The following BICD2 variants were observed in gnomAD, a reference collection of about 807,000 sequenced individuals.
The protein encoded by BICD2 is BICD cargo adaptor 2, also known as protein bicaudal D homolog 2.
Under a neutral mutation model 72.9 loss-of-function variants are expected in BICD2, and 25 were observed. That is an observed-to-expected ratio of 0.34 (90% confidence interval 0.25 to 0.48). The LOEUF (loss-of-function observed/expected upper bound fraction) is 0.48. BICD2 is among the 20% of genes least tolerant of loss of function. The pLI is 0.99. For synonymous variants in BICD2, 501 were observed against 516.1 expected, an observed-to-expected ratio of 0.97 and a Z score of 0.40; for missense variants, 894 against 1,175.2, an observed-to-expected ratio of 0.76 and a Z score of 3.50.
At chr9:92,750,749 C>T (rs1854129826) in intron 1 of BICD2, among the ~76,000 whole-genome samples, 2 of 151,756 alleles carry the variant, frequency 1.3e-5, no homozygotes, top group Admixed American at 6.6e-5. Flanking sequence ...AAAAGTGAAC[C>T]TTAATATTAG....
intron 1 of BICD2, among the ~76,000 whole-genome samples, chr9:92,745,173 A>AC (rs1853984177): frequency 6.6e-6 from 1 of 152,130 alleles, no homozygotes; most frequent in Admixed American, 6.5e-5. Flanking sequence ...GCTTCAGATC[A>AC]CCCCACAAAC....
chr9:92,712,329 A>C lies in BICD2; in HGVS notation c.*2825T>G, dbSNP rs1327768045. ...ATGCCCAGGTCTGGGTGTGAGGAGC[A>C]CCTGCCTCACCTGCTGTCCACGCTG... On this transcript the variant is annotated 3_prime_UTR_variant, in exon 7 of 7. Coordinates refer to ENST00000356884, the MANE Select transcript of BICD2 (RefSeq NM_001003800.2). 1 of 152,692 alleles carries C rather than the reference A, an allele frequency of 6.5e-6. No homozygotes were observed. Among genetic ancestry groups the C allele is most frequent in the East Asian group, 1.9e-4 (1 of 5,202 alleles). The allele number at this position is 152,692 out of a possible 1,614,324, so 9.5% of individuals were successfully genotyped here.
intron 6 of BICD2, among the ~76,000 whole-genome samples, chr9:92,716,362 A>G (rs530015794): frequency 9.7e-4 from 148 of 152,354 alleles, no homozygotes; most frequent in Non-Finnish European, 1.9e-3. Flanking sequence ...TTTACATGCC[A>G]GATACTGAGA....
chr9:92,742,962 G>A (rs1206353000), intron 1 of BICD2, among the ~76,000 whole-genome samples: 1 of 152,154 alleles, frequency 6.6e-6, no homozygotes, highest in Non-Finnish European at 1.5e-5. Context: ...TTCATCATTT[G>A]ACAGACACTT....
At chr9:92,741,580 TTC>T (rs1853897929) in intron 1 of BICD2, among the ~76,000 whole-genome samples, 2 of 152,242 alleles carry the variant, frequency 1.3e-5, no homozygotes, top group Non-Finnish European at 2.9e-5. Flanking sequence ...TGTGGTAATT[TTC>T]TTTTTTTTCT....
In BICD2 at chr9:92,722,733, G is replaced by C. The variant is rs1486622982; in HGVS notation, c.529C>G (p.Leu177Val). Reference protein sequence around the residue: ...IKEYKFREARLLQDYSELEEE... With the variant: ...IKEYKFREARVLQDYSELEEE... ...TCCAGTTCCGAGTAGTCCTGCAGCA[G>C]ACGAGCTTCCCGGAATTTGTACTCC... Residue 177 changes from leucine to valine, a missense_variant, in exon 3 of 7, where the codon CTG becomes GTG. Physicochemically the swap from Leu to Val is conservative, Grantham distance 32. Coordinates refer to ENST00000356884, the MANE Select transcript of BICD2 (RefSeq NM_001003800.2). The C allele has an allele frequency of 6.2e-7, 1 of 1,614,248 alleles. No individual in the cohort carries two copies. The highest frequency in any genetic ancestry group is 1.7e-5 in the Admixed American group (1 of 60,026).
chr9:92,722,175 T>A (rs1456002043), intron 3 of BICD2, among the ~76,000 whole-genome samples: 1 of 152,168 alleles, frequency 6.6e-6, no homozygotes, highest in East Asian at 1.9e-4. Context: ...TTCATCTCTG[T>A]CACAGGCAGA....
chr9:92,719,143 C>A lies in BICD2; in HGVS notation c.1502G>T (p.Arg501Leu), dbSNP rs398123032. ...ASRQDRELLA[R>L]LEKELKKVSD... ...CACCTTCTTTAGCTCCTTCTCCAGC[C>A]GGGCCAGCAGCTCGCGGTCCTGGCG... is the stretch of plus-strand genomic sequence containing the variant. Residue 501 changes from arginine to leucine, a missense_variant, in exon 5 of 7, where the codon CGG becomes CTG. Physicochemically the swap from Arg to Leu is moderately radical, Grantham distance 102 (BLOSUM62 -2). Around this residue, in one of 5 missense-constraint regions of BICD2, gnomAD observed 371 missense variants for 439.1 expected, o/e 0.84. Coordinates refer to ENST00000356884, the MANE Select transcript of BICD2 (RefSeq NM_001003800.2). The A allele has an allele frequency of 6.2e-7, 1 of 1,612,114 alleles. No individual in the cohort carries two copies. The highest frequency in any genetic ancestry group is 8.5e-7 in the Non-Finnish European group (1 of 1,179,988).
At chr9:92,759,928 G>A (rs897531219) in intron 1 of BICD2, among the ~76,000 whole-genome samples, 1 of 152,344 alleles carries the variant, frequency 6.6e-6, no homozygotes, top group Admixed American at 6.5e-5. Flanking sequence ...AGTGACAGGG[G>A]AGACCTAGCA....
Position 92,714,758 on chromosome 9 carries a change from A to T in BICD2, c.*396T>A, listed in dbSNP as rs948553992. ...CTAGTGCTGACATTAGACACATGCG[A>T]GGAACATGCAAGTCTCAACTCAGGT... On this transcript the variant is annotated 3_prime_UTR_variant, in exon 7 of 7. Coordinates refer to ENST00000356884, the MANE Select transcript of BICD2 (RefSeq NM_001003800.2). 2 of 1,016,060 alleles carry T rather than the reference A, an allele frequency of 2.0e-6. No homozygotes were observed. The highest frequency in any genetic ancestry group is 2.4e-6 in the Non-Finnish European group (2 of 850,670). 62.9% of individuals were successfully genotyped at this position (1,016,060 alleles called of 1,614,324 possible).
At chr9:92,737,493 G>A (rs1853812312) in intron 1 of BICD2, among the ~76,000 whole-genome samples, 1 of 152,174 alleles carries the variant, frequency 6.6e-6, no homozygotes, top group Admixed American at 6.5e-5. Context: ...CAACCCCAGT[G>A]TGGGGCAGCG....
At chr9:92,757,312 C>CAAAAAAAAAAAAAAAAAAAAAAAAAAA (rs1169381290) in intron 1 of BICD2, among the ~76,000 whole-genome samples, 3 of 52,738 alleles carry the variant, frequency 5.7e-5, no homozygotes, top group South Asian at 5.7e-4. Flanking sequence ...AGACTGTCTC[C>CAAAAAAAAAAAAAAAAAAAAAAAAAAA]AAAAAAAAAA....
chr9:92,743,884 T>C (rs185428007), intron 1 of BICD2, among the ~76,000 whole-genome samples: 2 of 152,238 alleles, frequency 1.3e-5, no homozygotes, highest in African/African-American at 4.8e-5. Flanking sequence ...AAGTGGCCAG[T>C]AAACACAGGA....
At chr9:92,734,341 G>A (rs1014649255) in intron 1 of BICD2, among the ~76,000 whole-genome samples, 4 of 151,898 alleles carry the variant, frequency 2.6e-5, no homozygotes, top group African/African-American at 7.3e-5. Context: ...GTGAAAACCC[G>A]TCTCTACTAA....
rs1226239674 is a variant in BICD2, at chr9:92,711,366, G to C, written c.*3788C>G. ...GAACAACCACAGAGAACAAACATGTGCTTTGTCTTTTTATTATTCTTTATT... is the reference window on the plus strand; with the variant it reads ...GAACAACCACAGAGAACAAACATGTCCTTTGTCTTTTTATTATTCTTTATT... On this transcript the variant is annotated 3_prime_UTR_variant, in exon 7 of 7. Transcript: ENST00000356884. 6.6e-6 allele frequency: 1 copy of C among 152,538 alleles called. No homozygotes were observed. Among genetic ancestry groups the C allele is most frequent in the Non-Finnish European group, 1.5e-5 (1 of 68,020 alleles). The allele number at this position is 152,538 out of a possible 1,614,324, so 9.4% of individuals were successfully genotyped here.
In BICD2 at chr9:92,714,144, C is replaced by T. The variant is rs1023886007; in HGVS notation, c.*1010G>A. On this transcript the variant is annotated 3_prime_UTR_variant, in exon 7 of 7. Coordinates refer to ENST00000356884, the MANE Select transcript of BICD2 (RefSeq NM_001003800.2). ...AACATCTCCTACCTGTGAATCCTGA[C>T]AAGTGGCCCTGGCCCTATGCAAAGC... The T allele has an allele frequency of 1.5e-5, 15 of 985,500 alleles. No homozygotes were observed. The African/African-American group carries it at 2.4e-4, about 16-fold the overall frequency. The allele number at this position is 985,500 out of a possible 1,614,324, so 61.0% of individuals were successfully genotyped here.
Position 92,713,702 on chromosome 9 carries a change from C to T in BICD2, c.*1452G>A. ...GCAAAGCGCATGCAGGGTGGGCATG[C>T]CAGCAGCCATCCCACTGCGAGTCTT... On this transcript the variant is annotated 3_prime_UTR_variant, in exon 7 of 7. Coordinates refer to ENST00000356884, the MANE Select transcript of BICD2 (RefSeq NM_001003800.2). 7.2e-7 allele frequency: 1 copy of T among 1,390,340 alleles called. No homozygotes were observed. 86.1% of individuals were successfully genotyped at this position (1,390,340 alleles called of 1,614,324 possible).
chr9:92,725,442 G>A (rs893919913), intron 2 of BICD2, among the ~76,000 whole-genome samples: 5 of 152,256 alleles, frequency 3.3e-5, no homozygotes, highest in African/African-American at 1.2e-4. Context: ...CTGCCACCTA[G>A]CACCTCCATC....
intron 2 of BICD2, among the ~76,000 whole-genome samples, chr9:92,725,126 A>G (rs1853541348): frequency 6.6e-6 from 1 of 152,190 alleles, no homozygotes; most frequent in Admixed American, 6.5e-5. Context: ...TGAAGCAGAG[A>G]GCCTGGCCAG....
Sources: allele counts gnomAD v4.1 joint callset (sites outside exome capture counted in the v4.1 genomes callset), GRCh38; gene constraint gnomAD v4.1.1; regional missense constraint gnomAD v4.1.1; transcripts MANE v1.5; gene names NCBI Gene and HGNC (gene_info 2026-07-23, HGNC 2026-07-21).